TMEM117: variants seen among roughly 807,000 people sequenced by gnomAD.
TMEM117 encodes the protein transmembrane protein 117.
TMEM117 carries 27 observed loss-of-function variants against 52.4 expected under a neutral mutation model. The observed-to-expected ratio is 0.51, with a 90% CI of 0.38 to 0.71. The LOEUF is 0.71. TMEM117 is among the 30% of genes least tolerant of loss of function. The pLI, the probability that TMEM117 is intolerant of heterozygous loss-of-function variation, is 0.00. For missense variants in TMEM117, 556 were observed against 630.5 expected (o/e 0.88, Z 1.26); for synonymous variants, 215 against 206.3 (o/e 1.04, Z -0.36).
At chr12:44,360,768 C>T (rs1951710974) in intron 6 of TMEM117, among the ~76,000 whole-genome samples, 1 of 152,054 alleles carries the variant, frequency 6.6e-6, no homozygotes, top group African/African-American at 2.4e-5. Context: ...ACAGCCTTAA[C>T]CATGGACTTG....
At chr12:43,868,314 T>A (rs1369538497) in intron 2 of TMEM117, among the ~76,000 whole-genome samples, 2 of 150,700 alleles carry the variant, frequency 1.3e-5, no homozygotes, top group Non-Finnish European at 3.0e-5. Context: ...GCCAAGGCGG[T>A]TGGATTGCCT....
At chr12:43,912,507 T>TTTTATATA (rs1209075111) in intron 2 of TMEM117, among the ~76,000 whole-genome samples, 6 of 132,086 alleles carry the variant, frequency 4.5e-5, no homozygotes, top group African/African-American at 1.6e-4. Flanking sequence ...TAATAATAAT[T>TTTTATATA]TATATATATA....
intron 3 of TMEM117, chr12:44,009,686 G>A: frequency 4.1e-6 from 1 of 243,094 alleles, no homozygotes; most frequent in South Asian, 7.5e-5. Context: ...GGTCACTGCT[G>A]TTCCTCCCAG....
intron 2 of TMEM117, among the ~76,000 whole-genome samples, chr12:43,879,741 CAACT>C (rs1052686490): frequency 1.5e-4 from 23 of 152,316 alleles, no homozygotes; most frequent in African/African-American, 5.5e-4. Context: ...TTATCTAATT[CAACT>C]AACTGTTAAT....
At chr12:43,953,668 A>G (rs1392675348) in intron 3 of TMEM117, among the ~76,000 whole-genome samples, 2 of 152,340 alleles carry the variant, frequency 1.3e-5, no homozygotes, top group East Asian at 1.9e-4. Flanking sequence ...TTAGAGACCT[A>G]CAAAGAGACT....
At chr12:44,190,711 G>T (rs112548559) in intron 4 of TMEM117, among the ~76,000 whole-genome samples, 4,703 of 151,836 alleles carry the variant, frequency 0.031, 108 homozygotes, top group Admixed American at 0.044. Context: ...CCAGTTTCTG[G>T]CACAACCATA....
intron 5 of TMEM117, among the ~76,000 whole-genome samples, chr12:44,253,730 A>C (rs904697401): frequency 6.6e-6 from 1 of 152,024 alleles, no homozygotes; most frequent in Non-Finnish European, 1.5e-5. Context: ...GGGCATACAG[A>C]GATCATTTGT....
chr12:43,800,875 C>T, the TMEM117 span, among the ~76,000 whole-genome samples: 16 of 152,134 alleles, frequency 1.1e-4, no homozygotes, highest in East Asian at 3.9e-4. Context: ...CTCAGCCTCC[C>T]GAGTAGCTGG....
At chr12:43,865,516 A>G (rs11182312) in intron 2 of TMEM117, among the ~76,000 whole-genome samples, 15,398 of 151,852 alleles carry the variant, frequency 0.1, 2,353 homozygotes, top group African/African-American at 0.33. Context: ...GGCCAGCATC[A>G]TGAAACTCCA....
chr12:44,008,819 C>G (rs1946244085), intron 3 of TMEM117: 2 of 439,360 alleles, frequency 4.6e-6, no homozygotes, highest in South Asian at 3.8e-5. Flanking sequence ...GGACTTCTCT[C>G]CCATATGAAT....
chr12:43,949,480 G>A (rs2137630339), intron 3 of TMEM117, among the ~76,000 whole-genome samples: 1 of 152,280 alleles, frequency 6.6e-6, no homozygotes, highest in South Asian at 2.1e-4. Flanking sequence ...TCCCTTAGCA[G>A]TCAAGTGTTC....
intron 2 of TMEM117, 91 bp from the exon 3 acceptor site, chr12:43,944,119 T>C: frequency 8.8e-7 from 1 of 1,142,562 alleles, no homozygotes; most frequent in Non-Finnish European, 1.2e-6. Context: ...CAGAATATAG[T>C]GAGACATTAA....
intron 3 of TMEM117, among the ~76,000 whole-genome samples, chr12:43,972,288 G>T (rs527499782): frequency 1.3e-5 from 2 of 152,192 alleles, no homozygotes; most frequent in Admixed American, 1.3e-4. Context: ...CTCTTAGTGT[G>T]GGGGGTGGGG....
chr12:43,885,788 A>G (rs2137463037), intron 2 of TMEM117, among the ~76,000 whole-genome samples: 1 of 152,332 alleles, frequency 6.6e-6, no homozygotes, highest in East Asian at 1.9e-4. Flanking sequence ...CTCAGAATAC[A>G]GAAGACAGAC....
intron 3 of TMEM117, among the ~76,000 whole-genome samples, chr12:44,023,245 T>C (rs569570991): frequency 1.4e-4 from 22 of 152,224 alleles, no homozygotes; most frequent in Non-Finnish European, 2.8e-4. Flanking sequence ...TTGGGTTGGT[T>C]CCAAGTCTTT....
chr12:43,991,167 A>G lies in TMEM117; in HGVS notation c.410+46825A>G, dbSNP rs530414149. Among the ~76,000 whole-genome samples the G allele has an allele frequency of 2.0e-5, 3 of 152,272 alleles. No homozygotes were observed. In the East Asian group the frequency reaches 5.8e-4, roughly 29 times the overall value. The stretch of plus-strand genomic sequence containing the variant: ...AGCGATGATTTTCTTACTGGTGGAG[A>G]ACCTTGCAAGCTCAGAGGTTTCTCT... On this transcript the variant is annotated intron_variant, in intron 3 of 7. Transcript: ENST00000266534.
chr12:44,392,281 G>C (rs901844814), downstream of TMEM117, among the ~76,000 whole-genome samples: 1 of 152,156 alleles, frequency 6.6e-6, no homozygotes, highest in Non-Finnish European at 1.5e-5. Context: ...AGATGGTGGA[G>C]AACAAGTGGA....
At chr12:44,102,209 A>G (rs148598825) in intron 3 of TMEM117, among the ~76,000 whole-genome samples, 1 of 152,186 alleles carries the variant, frequency 6.6e-6, no homozygotes, top group Non-Finnish European at 1.5e-5. Flanking sequence ...TATTGAGAAG[A>G]AAGCACAGCA....
chr12:44,150,116 G>A (rs1948699956), intron 4 of TMEM117, among the ~76,000 whole-genome samples: 1 of 152,020 alleles, frequency 6.6e-6, no homozygotes, highest in South Asian at 2.1e-4. Context: ...CCTCATGTTT[G>A]GTACATTCGT....
Sources: allele counts gnomAD v4.1 joint callset (sites outside exome capture counted in the v4.1 genomes callset), GRCh38; gene constraint gnomAD v4.1.1; transcripts MANE v1.5; gene names NCBI Gene and HGNC (gene_info 2026-07-23, HGNC 2026-07-21).